The following CPED1 variants were observed in gnomAD, a reference collection of about 807,000 sequenced individuals.
CPED1 encodes cadherin like and PC-esterase domain containing 1, also known as cadherin-like and PC-esterase domain-containing protein 1.
CPED1 carries 114 observed loss-of-function variants against 128.2 expected under a neutral mutation model. That is an observed-to-expected ratio of 0.89 (90% CI 0.76 to 1.04). The LOEUF is 1.04. CPED1 is among the 50% of genes least tolerant of loss of function. The pLI is 0.00. For missense variants in CPED1, 1,211 were observed against 1,207.1 expected, an observed-to-expected ratio of 1.00 and a Z score of -0.05; for synonymous variants, 462 against 426.7, an observed-to-expected ratio of 1.08 and a Z score of -1.02.
chr7:121,293,353 C>T (rs543617818), intron 22 of CPED1, among the ~76,000 whole-genome samples: 1 of 152,222 alleles, frequency 6.6e-6, no homozygotes, highest in East Asian at 1.9e-4. Context: ...GACACCCCTA[C>T]CCCCACCAAG....
rs973207312 is a variant in CPED1 at position 121,297,326 on chromosome 7, G to T, written c.*1674G>T. On this transcript the variant is annotated 3_prime_UTR_variant, in exon 23 of 23. Coordinates refer to ENST00000310396, the MANE Select transcript of CPED1 (RefSeq NM_024913.5). ...TCAGTATTTCATATAATTTTCTTTAGACCTAACTGTTACCATCTGACTGAG... is the reference window on the plus strand; with the variant it reads ...TCAGTATTTCATATAATTTTCTTTATACCTAACTGTTACCATCTGACTGAG... 3.3e-5 allele frequency: 5 copies of T among 151,730 alleles called. No individual in the cohort carries two copies. The highest frequency in any genetic ancestry group is 5.9e-5 in the Non-Finnish European group (4 of 67,924). The allele number at this position is 151,730 out of a possible 1,614,324, so 9.4% of individuals were successfully genotyped here. A position where few individuals can be genotyped will look rare whatever the true frequency, so the allele number is the denominator to read the frequency against.
chr7:121,253,060 G>C (rs1438564880), intron 18 of CPED1, among the ~76,000 whole-genome samples: 6 of 151,806 alleles, frequency 4.0e-5, no homozygotes, highest in Admixed American at 2.0e-4. Context: ...TTGGAACCAA[G>C]CCAAATGTCC....
At chr7:121,007,477 AATC>A (rs1391846245) in intron 2 of CPED1, among the ~76,000 whole-genome samples, 1 of 152,112 alleles carries the variant, frequency 6.6e-6, no homozygotes, top group Non-Finnish European at 1.5e-5. Flanking sequence ...GATAAGGAAA[AATC>A]ATGACCGATC....
At chr7:121,286,866 G>A (rs961170505) in intron 22 of CPED1, among the ~76,000 whole-genome samples, 3 of 152,126 alleles carry the variant, frequency 2.0e-5, no homozygotes, top group Non-Finnish European at 1.5e-5. Flanking sequence ...AAAGGAAATA[G>A]GTTTAATTGA....
intron 16 of CPED1, among the ~76,000 whole-genome samples, chr7:121,191,522 G>A (rs1386954486): frequency 2.6e-5 from 4 of 152,102 alleles, no homozygotes; most frequent in African/African-American, 4.8e-5. Context: ...TACAATCTGC[G>A]TTCATTTTTT....
intron 16 of CPED1, among the ~76,000 whole-genome samples, chr7:121,177,232 G>A (rs1796802950): frequency 1.3e-5 from 2 of 151,900 alleles, no homozygotes. Context: ...TCTGTCACTT[G>A]CTAGCTTTTT....
intron 16 of CPED1, among the ~76,000 whole-genome samples, chr7:121,210,048 A>T (rs763500844): frequency 1.3e-5 from 2 of 152,118 alleles, no homozygotes; most frequent in South Asian, 2.1e-4. Flanking sequence ...ACCAACAGGT[A>T]TATGAAAAGG....
chr7:121,110,341 T>C (rs1795079586), intron 7 of CPED1, among the ~76,000 whole-genome samples: 1 of 152,150 alleles, frequency 6.6e-6, no homozygotes, highest in African/African-American at 2.4e-5. Flanking sequence ...AGATAATTAA[T>C]TATACACATA....
Position 121,142,063 on chromosome 7 carries a change from G to A in CPED1, c.1977G>A (p.Thr659=), listed in dbSNP as rs761431649. ...ESPAHGETLI[T]YKLTIYREDR... ...CAGCACACGGTGAGACTCTGATCAC[G>A]TACAAACTCACCATCTATAGAGAAG... is the stretch of plus-strand genomic sequence containing the variant. Residue 659 remains threonine, a synonymous_variant, in exon 16 of 23, where the codon ACG becomes ACA. Coordinates refer to ENST00000310396, the MANE Select transcript of CPED1 (RefSeq NM_024913.5). 7 of 1,612,526 alleles carry A rather than the reference G, an allele frequency of 4.3e-6. No homozygotes were observed. Among genetic ancestry groups the A allele is most frequent in the Admixed American group, 1.7e-5 (1 of 59,876 alleles).
At chr7:121,276,195 A>G (rs1792325650) in intron 22 of CPED1, among the ~76,000 whole-genome samples, 1 of 152,078 alleles carries the variant, frequency 6.6e-6, no homozygotes, top group Admixed American at 6.6e-5. Context: ...CCTTAGAGGG[A>G]GAATTAATAT....
intron 16 of CPED1, among the ~76,000 whole-genome samples, chr7:121,148,695 A>G (rs982275615): frequency 6.6e-6 from 1 of 152,122 alleles, no homozygotes; most frequent in Non-Finnish European, 1.5e-5. Flanking sequence ...TAGAAATGAG[A>G]TTGAGTGAAC....
intron 16 of CPED1, among the ~76,000 whole-genome samples, chr7:121,182,120 G>C (rs1336692153): frequency 6.7e-6 from 1 of 148,656 alleles, no homozygotes; most frequent in African/African-American, 2.5e-5. Flanking sequence ...TAGACAATAA[G>C]AATCAATAAA....
chr7:121,226,286 T>C (rs1000175430), intron 16 of CPED1, among the ~76,000 whole-genome samples: 1 of 152,086 alleles, frequency 6.6e-6, no homozygotes, highest in Admixed American at 6.6e-5. Context: ...CTCCAGATCC[T>C]GTTTGCCTGG....
chr7:121,150,557 A>T (rs1353964153), intron 16 of CPED1, among the ~76,000 whole-genome samples: 1 of 151,906 alleles, frequency 6.6e-6, no homozygotes, highest in Non-Finnish European at 1.5e-5. Context: ...TTTGTTTTGG[A>T]TATATACCTA....
At chr7:121,250,083 T>C (rs1235094964) in intron 18 of CPED1, among the ~76,000 whole-genome samples, 2 of 152,110 alleles carry the variant, frequency 1.3e-5, no homozygotes, top group African/African-American at 2.4e-5. Flanking sequence ...AAAGCACTCC[T>C]CAGCAAATGT....
At chr7:120,999,024 C>G (rs1461890050) in intron 2 of CPED1, among the ~76,000 whole-genome samples, 1 of 151,984 alleles carries the variant, frequency 6.6e-6, no homozygotes, top group Non-Finnish European at 1.5e-5. Flanking sequence ...TGCTACATCC[C>G]CAGTGTAAAA....
intron 4 of CPED1, among the ~76,000 whole-genome samples, chr7:121,060,163 T>C (rs560648101): frequency 3.7e-4 from 56 of 152,296 alleles, no homozygotes; most frequent in Non-Finnish European, 5.7e-4. Context: ...GCCAGCCCAG[T>C]GGCGCTGTGC....
chr7:121,195,033 G>A (rs1330842859), intron 16 of CPED1: 1 of 152,138 alleles, frequency 6.6e-6, no homozygotes, highest in Non-Finnish European at 1.5e-5. Flanking sequence ...TCCAATTTTA[G>A]TATATGTGTT....
At chr7:121,133,438 T>A (rs927591355) in intron 12 of CPED1, among the ~76,000 whole-genome samples, 2 of 152,120 alleles carry the variant, frequency 1.3e-5, no homozygotes, top group African/African-American at 4.8e-5. Flanking sequence ...AAATGTATGT[T>A]CTTCTCAGGC....
Sources: allele counts gnomAD v4.1 joint callset (sites outside exome capture counted in the v4.1 genomes callset), GRCh38; gene constraint gnomAD v4.1.1; transcripts MANE v1.5; gene names NCBI Gene and HGNC (gene_info 2026-07-23, HGNC 2026-07-21).